Variants in NOX5 observed in about 807,000 individuals in gnomAD.
The protein encoded by NOX5 is NADPH oxidase 5, also known as NADPH oxidase, EF-hand calcium binding domain 5.
NOX5 carries 76 observed loss-of-function variants against 85.7 expected under a neutral mutation model. That is an observed-to-expected ratio of 0.89 (90% CI 0.74 to 1.07). NOX5 has a LOEUF of 1.07. Among genes scored for constraint, NOX5 ranks in the 50% least tolerant of loss-of-function variants. The pLI, the probability that NOX5 is intolerant of heterozygous loss-of-function variation, is 0.00. For missense variants in NOX5, 973 were observed against 999.5 expected, an observed-to-expected ratio of 0.97 and a Z score of 0.36; for synonymous variants, 405 against 401.4, an observed-to-expected ratio of 1.01 and a Z score of -0.11.
At chr15:69,047,786 G>A (rs924753170) in intron 12 of NOX5, 44 bp from the exon 13 acceptor site, 2 of 1,599,828 alleles carry the variant, frequency 1.3e-6, no homozygotes, top group Non-Finnish European at 1.7e-6. Context: ...GTCCTGAAAA[G>A]TCTCACCCCA....
rs1173982433 is a variant in NOX5 at position 69,056,473 on chromosome 15, G to A, written c.2167-92G>A. ...TGGGAATGCTCATTGCTGCCGACCC[G>A]TTATGCTGTTACCTCCAGGTGGTTG... is the stretch of plus-strand genomic sequence containing the variant. On this transcript the variant is annotated intron_variant, in intron 15 of 15. Coordinates refer to ENST00000388866, the MANE Select transcript of NOX5 (RefSeq NM_024505.4). 2.7e-5 allele frequency: 41 copies of A among 1,525,880 alleles called. No individual in the cohort carries two copies. In the South Asian group the frequency reaches 2.8e-4, roughly 10 times the overall value. 94.5% of individuals were successfully genotyped at this position (1,525,880 alleles called of 1,614,324 possible). A position where few individuals can be genotyped will look rare whatever the true frequency, so the allele number is the denominator to read the frequency against.
chr15:69,017,137 GTATTTATT>G (rs148092449), intron 1 of NOX5, among the ~76,000 whole-genome samples: 8 of 151,644 alleles, frequency 5.3e-5, no homozygotes, highest in African/African-American at 7.3e-5. Context: ...AAATTTCTAA[GTATTTATT>G]TATTTATTTA....
intron 1 of NOX5, among the ~76,000 whole-genome samples, chr15:69,015,405 C>T (rs1052458874): frequency 3.9e-5 from 6 of 152,198 alleles, no homozygotes; most frequent in African/African-American, 1.2e-4. Context: ...CAGCAGATAC[C>T]TCCTCCCTGC....
Position 69,033,187 on chromosome 15 carries a change from G to A in NOX5, c.765G>A (p.Leu255=), listed in dbSNP as rs2050463600. The stretch of plus-strand genomic sequence containing the variant: ...GCCTCCACGTGCTGCTCTTCGGGCT[G>A]GCGGCCAGCGCGCACCGGGACCTCG... The part of the protein sequence containing the change: ...YAGLHVLLFG[L]AASAHRDLGA... Residue 255 remains leucine, a synonymous_variant, in exon 5 of 16, where the codon CTG becomes CTA. Coordinates refer to ENST00000388866, the MANE Select transcript of NOX5 (RefSeq NM_024505.4). The A allele has an allele frequency of 1.3e-6, 2 of 1,592,210 alleles. No homozygotes were observed. The highest frequency in any genetic ancestry group is 1.3e-5 in the African/African-American group (1 of 74,722).
At chr15:69,045,586 C>CTTTCTTTCTTTCTTCCCTTTCTTTCT (rs2050660915) in intron 10 of NOX5, among the ~76,000 whole-genome samples, 4 of 85,008 alleles carry the variant, frequency 4.7e-5, no homozygotes, top group Admixed American at 4.0e-4. Flanking sequence ...TCTTTCTTTT[C>CTTTCTTTCTTTCTTCCCTTTCTTTCT]TTTCTTTCTT....
At chr15:69,048,921 G>C (rs768442002) in intron 13 of NOX5, 38 bp from the exon 14 acceptor site, 1 of 1,519,410 alleles carries the variant, frequency 6.6e-7, no homozygotes, top group Admixed American at 1.8e-5. Flanking sequence ...GCAAATCAGG[G>C]AGACCCAGCC....
intron 3 of NOX5, 159 bp downstream of exon 3, chr15:69,028,524 C>T: frequency 3.6e-6 from 2 of 560,608 alleles, no homozygotes; most frequent in Non-Finnish European, 5.9e-6. Context: ...CCTTTCCTCA[C>T]ATCTCTCTCC....
intron 3 of NOX5, chr15:69,028,694 G>GC (rs1465286941): frequency 5.3e-6 from 1 of 189,450 alleles, no homozygotes; most frequent in Non-Finnish European, 1.1e-5. Flanking sequence ...AATCTCTGTT[G>GC]TTTTTTCCTT....
chr15:69,044,551 C>A (rs969208630), intron 10 of NOX5, among the ~76,000 whole-genome samples: 2 of 152,042 alleles, frequency 1.3e-5, no homozygotes, highest in Non-Finnish European at 2.9e-5. Context: ...TTGCTGATCA[C>A]CTTTACAATA....
rs1036437180 is a variant in NOX5, at chr15:69,036,897, C to T, written c.1189-131C>T. ...AGCTTCCCAGCCCCAACATCTTACCCAACTCCATCCCCGGGAGAGAGTCAA... is the reference window on the plus strand; with the variant it reads ...AGCTTCCCAGCCCCAACATCTTACCTAACTCCATCCCCGGGAGAGAGTCAA... On this transcript the variant is annotated intron_variant, in intron 7 of 15. Coordinates refer to ENST00000388866, the MANE Select transcript of NOX5 (RefSeq NM_024505.4). 6 of 737,352 alleles carry T rather than the reference C, an allele frequency of 8.1e-6. No individual in the cohort carries two copies. In the African/African-American group the frequency reaches 1.1e-4, roughly 13 times the overall value. 45.7% of individuals were successfully genotyped at this position (737,352 alleles called of 1,614,324 possible). A position where few individuals can be genotyped will look rare whatever the true frequency, so the allele number is the denominator to read the frequency against.
At chr15:69,043,909 G>A (rs946972493) in intron 10 of NOX5, among the ~76,000 whole-genome samples, 3 of 152,146 alleles carry the variant, frequency 2.0e-5, no homozygotes, top group African/African-American at 7.2e-5. Flanking sequence ...TTGGGGGCCG[G>A]GCACGGTGGC....
At chr15:69,044,135 G>T (rs1459143822) in intron 10 of NOX5, among the ~76,000 whole-genome samples, 1 of 151,088 alleles carries the variant, frequency 6.6e-6, no homozygotes, top group Non-Finnish European at 1.5e-5. Context: ...AGTGAGTCGA[G>T]ATTACACCAC....
At chr15:69,056,507 G>T in intron 15 of NOX5, 58 bp from the exon 16 acceptor site, 1 of 1,592,006 alleles carries the variant, frequency 6.3e-7, no homozygotes, top group South Asian at 1.1e-5. Flanking sequence ...TGTGTCACTG[G>T]TGAGTCAGCA....
rs1352229875 is a variant in NOX5, at chr15:69,058,882, G to A, written c.*2186G>A. The A allele has an allele frequency of 6.6e-6, 1 of 152,242 alleles. No homozygotes were observed. Among genetic ancestry groups the A allele is most frequent in the East Asian group, 1.9e-4 (1 of 5,198 alleles). The allele number at this position is 152,242 out of a possible 1,614,324, so 9.4% of individuals were successfully genotyped here. A position where few individuals can be genotyped will look rare whatever the true frequency, so the allele number is the denominator to read the frequency against. ...AAGAGGGTGTTCTGACTTAAGGTTG[G>A]AGGATGTAAACAGGCTGTGCCAAAT... On this transcript the variant is annotated 3_prime_UTR_variant, in exon 16 of 16. Coordinates refer to ENST00000388866, the MANE Select transcript of NOX5 (RefSeq NM_024505.4).
At chr15:69,054,090 C>T (rs1327092226) in intron 14 of NOX5, among the ~76,000 whole-genome samples, 2 of 152,042 alleles carry the variant, frequency 1.3e-5, no homozygotes, top group Non-Finnish European at 2.9e-5. Context: ...ATGAGGTGAT[C>T]GTCAGTCAGC....
chr15:69,040,182 T>C (rs1008434786), intron 9 of NOX5, among the ~76,000 whole-genome samples: 1 of 152,230 alleles, frequency 6.6e-6, no homozygotes, highest in Non-Finnish European at 1.5e-5. Flanking sequence ...TGGAATCACC[T>C]GAATTGTGCC....
intron 1 of NOX5, among the ~76,000 whole-genome samples, chr15:69,024,763 C>T (rs1035315162): frequency 6.6e-6 from 1 of 152,070 alleles, no homozygotes; most frequent in Admixed American, 6.5e-5. Context: ...TTTCAGGCAT[C>T]CACTAAGGGG....
chr15:69,036,262 G>C (rs2050515150), intron 7 of NOX5, among the ~76,000 whole-genome samples: 1 of 152,160 alleles, frequency 6.6e-6, no homozygotes, highest in Non-Finnish European at 1.5e-5. Flanking sequence ...ACTGCTTACT[G>C]GTCGCTCAAC....
intron 1 of NOX5, chr15:69,022,373 C>A: frequency 6.3e-6 from 1 of 159,676 alleles, no homozygotes. Context: ...AAGTGAAGAG[C>A]AGCTTTCTAC....
Sources: gnomAD v4.1 joint callset for allele counts (sites outside exome capture counted in the v4.1 genomes callset) on GRCh38, gnomAD v4.1.1 for gene constraint, MANE v1.5 for transcripts, NCBI Gene and HGNC (gene_info 2026-07-23, HGNC 2026-07-21) for gene names.